Variants in RYR3 observed in about 807,000 individuals in gnomAD.
RYR3 encodes ryanodine receptor 3.
RYR3 carries 207 observed loss-of-function variants against 584.3 expected under a neutral mutation model. The observed-to-expected ratio is 0.35, with a 90% CI of 0.32 to 0.40. The LOEUF is 0.40. Ranked by LOEUF, RYR3 falls within the 10% of genes least tolerant of loss-of-function variation. The pLI is 1.00. For missense variants in RYR3, 5,616 were observed against 6,089.2 expected (o/e 0.92, Z 2.59); for synonymous variants, 2,416 against 2,248.5 (o/e 1.07, Z -2.11).
intron 10 of RYR3, among the ~76,000 whole-genome samples, chr15:33,553,500 A>C (rs2056840283): frequency 6.6e-6 from 1 of 152,170 alleles, no homozygotes; most frequent in African/African-American, 2.4e-5. Flanking sequence ...AAGGTGACCA[A>C]GTCCAAGAAC....
intron 67 of RYR3, among the ~76,000 whole-genome samples, chr15:33,789,986 CTTTTTTTTTTT>C (rs757370991): frequency 9.4e-5 from 5 of 53,250 alleles, no homozygotes; most frequent in African/African-American, 3.2e-4. Flanking sequence ...GCCTGGCCTT[CTTTTTTTTTTT>C]TTTTTTTTTT....
chr15:33,404,308 A>G (rs1034468137), intron 1 of RYR3, among the ~76,000 whole-genome samples: 3 of 152,208 alleles, frequency 2.0e-5, no homozygotes, highest in Non-Finnish European at 2.9e-5. Flanking sequence ...AATCTTTACA[A>G]TGATTCTAAA....
At chr15:33,473,380 T>C in intron 1 of RYR3, 39 bp from the exon 2 acceptor site, 1 of 1,612,762 alleles carries the variant, frequency 6.2e-7, no homozygotes, top group Admixed American at 1.7e-5. Flanking sequence ...GGCTCAGCAG[T>C]TCCCCTTACT....
intron 15 of RYR3, among the ~76,000 whole-genome samples, chr15:33,585,368 C>G (rs1316101396): frequency 6.6e-6 from 1 of 152,128 alleles, no homozygotes; most frequent in African/African-American, 2.4e-5. Flanking sequence ...CCTTGAATTT[C>G]AATCATGATA....
chr15:33,578,434 G>A (rs1437316195), intron 12 of RYR3, among the ~76,000 whole-genome samples: 1 of 152,056 alleles, frequency 6.6e-6, no homozygotes, highest in Non-Finnish European at 1.5e-5. Flanking sequence ...CCCATAAAAA[G>A]GAATGAGATC....
chr15:33,857,821 C>T lies in RYR3; in HGVS notation c.14049C>T (p.Leu4683=). 6.2e-7 allele frequency: 1 copy of T among 1,614,180 alleles called. No individual in the cohort carries two copies. Among genetic ancestry groups the T allele is most frequent in the Non-Finnish European group, 8.5e-7 (1 of 1,180,024 alleles). ...TVGLLAVVVY[L]YTVVAFNFFR... ...GTCTCCTGGCCGTGGTGGTTTATCT[C>T]TATACTGTGGTGGCTTTCAACTTCT... Residue 4683 remains leucine (L), a synonymous_variant, in exon 99 of 104, where the codon CTC becomes CTT. Coordinates refer to ENST00000634891, the MANE Select transcript of RYR3 (RefSeq NM_001036.6).
At chr15:33,774,799 A>G (rs561069277) in intron 64 of RYR3, among the ~76,000 whole-genome samples, 1 of 152,342 alleles carries the variant, frequency 6.6e-6, no homozygotes, top group Admixed American at 6.5e-5. Flanking sequence ...GGGCAGACAA[A>G]GTTTTATCCA....
chr15:33,573,226 A>C (rs951242591), intron 12 of RYR3, among the ~76,000 whole-genome samples: 1 of 152,158 alleles, frequency 6.6e-6, no homozygotes, highest in African/African-American at 2.4e-5. Flanking sequence ...ATCAATGCTG[A>C]GGGGGTGTGG....
intron 62 of RYR3, among the ~76,000 whole-genome samples, chr15:33,770,923 C>T (rs979588192): frequency 1.3e-5 from 2 of 152,164 alleles, no homozygotes; most frequent in African/African-American, 4.8e-5. Context: ...AAATACAAAA[C>T]TTATAGATGA....
rs566504356 is a variant in RYR3, at chr15:33,584,843, G to T, written c.1669+353G>T. On this transcript the variant is annotated intron_variant, in intron 15 of 103. Coordinates refer to ENST00000634891, the MANE Select transcript of RYR3 (RefSeq NM_001036.6). ...ACTCCCATTATATTCTTATTCTCTG[G>T]GTTTTTAAACCCTTTTCAATGGTGC... 2.0e-4 allele frequency among the ~76,000 whole-genome samples: 29 copies of T among 148,384 alleles called. No homozygotes were observed. In the South Asian group the frequency reaches 6.0e-3, roughly 30 times the overall value.
intron 24 of RYR3, 118 bp downstream of exon 24, chr15:33,633,226 C>T (rs2152637479): frequency 1.1e-6 from 1 of 939,492 alleles, no homozygotes; most frequent in South Asian, 1.8e-5. Flanking sequence ...CTCTATCCCT[C>T]ACACCTCAGT....
intron 3 of RYR3, among the ~76,000 whole-genome samples, chr15:33,529,375 G>T (rs2572201): frequency 0.15 from 22,104 of 152,056 alleles, 1,776 homozygotes; most frequent in Middle Eastern, 0.18. Context: ...AATCCAAATA[G>T]AATTGAAATA....
intron 61 of RYR3, 108 bp from the exon 62 acceptor site, chr15:33,769,004 T>C (rs2073344432): frequency 1.2e-6 from 1 of 842,572 alleles, no homozygotes; most frequent in Admixed American, 1.8e-5. Context: ...ACTTTATGTG[T>C]TGGTAGTTAA....
In RYR3 at chr15:33,857,791, T is replaced by C. The variant is rs1478699915; in HGVS notation, c.14019T>C (p.Thr4673=). 6.2e-7 allele frequency: 1 copy of C among 1,613,990 alleles called. No individual in the cohort carries two copies. Among genetic ancestry groups the C allele is most frequent in the African/African-American group, 1.3e-5 (1 of 74,950 alleles). The change falls in exon 99 of 104, where the codon ACT becomes ACC. Residue 4673 remains threonine, a synonymous_variant. Coordinates refer to ENST00000634891, the MANE Select transcript of RYR3 (RefSeq NM_001036.6). The stretch of plus-strand genomic sequence containing the variant: ...CCTCTCATTCCCAGTTGGTTCTGAC[T>C]GTCGGTCTCCTGGCCGTGGTGGTTT... ...VTHNGKQLVL[T]VGLLAVVVYL... is the part of the protein sequence containing the mutation.
chr15:33,401,612 A>C (rs1438689485), intron 1 of RYR3, among the ~76,000 whole-genome samples: 1 of 152,246 alleles, frequency 6.6e-6, no homozygotes, highest in South Asian at 2.1e-4. Context: ...ATTACAAAAC[A>C]GTATGTGAAC....
At chr15:33,468,894 T>C (rs1434094202) in intron 1 of RYR3, among the ~76,000 whole-genome samples, 3 of 152,182 alleles carry the variant, frequency 2.0e-5, no homozygotes, top group Non-Finnish European at 4.4e-5. Flanking sequence ...CTCTGCCCCC[T>C]GCCACCATGA....
intron 42 of RYR3, among the ~76,000 whole-genome samples, chr15:33,701,727 A>G (rs1403772555): frequency 6.6e-6 from 1 of 152,086 alleles, no homozygotes; most frequent in East Asian, 1.9e-4. Context: ...TTGGGAGCAC[A>G]CGGAAAAGGG....
At chr15:33,430,575 T>C (rs2045056217) in intron 1 of RYR3, among the ~76,000 whole-genome samples, 1 of 152,216 alleles carries the variant, frequency 6.6e-6, no homozygotes, top group Admixed American at 6.5e-5. Flanking sequence ...AATTCTGTCC[T>C]CAGTTTCCCC....
chr15:33,769,990 G>A (rs1333846698), intron 62 of RYR3, among the ~76,000 whole-genome samples: 4 of 151,974 alleles, frequency 2.6e-5, no homozygotes, highest in Non-Finnish European at 5.9e-5. Context: ...GGAAAGAACT[G>A]ACAGGGACCT....
Sources: allele counts gnomAD v4.1 joint callset (sites outside exome capture counted in the v4.1 genomes callset), GRCh38; gene constraint gnomAD v4.1.1; transcripts MANE v1.5; gene names NCBI Gene and HGNC (gene_info 2026-07-23, HGNC 2026-07-21).